FMNL2: variants seen among roughly 807,000 people sequenced by gnomAD.
The protein encoded by FMNL2 is formin-like protein 2.
In FMNL2, 51 loss-of-function variants were observed where a neutral mutation model predicts 130.2. That is an observed-to-expected ratio of 0.39 (90% CI 0.31 to 0.49). FMNL2 has a LOEUF of 0.49. Among genes scored for constraint, FMNL2 ranks in the 20% least tolerant of loss-of-function variants. FMNL2 has a pLI of 0.85. For synonymous variants in FMNL2, 465 were observed against 467.1 expected (o/e 1.00, Z 0.06); for missense variants, 977 against 1,316.2 (o/e 0.74, Z 3.99).
chr2:152,515,230 G>A (rs1579855995), intron 1 of FMNL2, among the ~76,000 whole-genome samples: 2 of 151,962 alleles, frequency 1.3e-5, no homozygotes, highest in South Asian at 2.1e-4. Context: ...AGGTTCTGTC[G>A]GATTATTTGA....
intron 1 of FMNL2, among the ~76,000 whole-genome samples, chr2:152,386,930 T>C (rs1030288782): frequency 2.0e-5 from 3 of 152,196 alleles, no homozygotes; most frequent in Non-Finnish European, 2.9e-5. Context: ...GAGACTCCCC[T>C]GGGCAAAGTT....
intron 9 of FMNL2, among the ~76,000 whole-genome samples, chr2:152,581,609 C>T (rs1159216363): frequency 1.3e-5 from 2 of 152,148 alleles, no homozygotes; most frequent in Admixed American, 1.3e-4. Flanking sequence ...GGCCCTGCCC[C>T]AGCGTATCCA....
chr2:152,480,265 T>C (rs939280577), intron 1 of FMNL2, among the ~76,000 whole-genome samples: 1 of 152,182 alleles, frequency 6.6e-6, no homozygotes, highest in Non-Finnish European at 1.5e-5. Flanking sequence ...CTAATAATAA[T>C]CTTGCATTTT....
At chr2:152,411,727 G>A (rs1686301008) in intron 1 of FMNL2, among the ~76,000 whole-genome samples, 1 of 152,136 alleles carries the variant, frequency 6.6e-6, no homozygotes, top group Non-Finnish European at 1.5e-5. Context: ...TTAAATCTTA[G>A]CAAATTCCTA....
At chr2:152,596,986 A>G (rs1697804604) in intron 9 of FMNL2, among the ~76,000 whole-genome samples, 1 of 152,252 alleles carries the variant, frequency 6.6e-6, no homozygotes, top group Admixed American at 6.5e-5. Context: ...GAATGAATTT[A>G]TAAATTTGTA....
intron 9 of FMNL2, among the ~76,000 whole-genome samples, chr2:152,598,038 C>T (rs1187541341): frequency 6.6e-6 from 1 of 152,214 alleles, no homozygotes; most frequent in East Asian, 1.9e-4. Flanking sequence ...TCTCTGCATT[C>T]ATGGCACACC....
intron 1 of FMNL2, among the ~76,000 whole-genome samples, chr2:152,412,902 C>A (rs1686399564): frequency 6.6e-6 from 1 of 152,134 alleles, no homozygotes; most frequent in Non-Finnish European, 1.5e-5. Context: ...ACCATATGAA[C>A]TTGCTGCTGT....
chr2:152,531,747 AC>A (rs1693712305), intron 2 of FMNL2, among the ~76,000 whole-genome samples: 1 of 152,278 alleles, frequency 6.6e-6, no homozygotes, highest in East Asian at 1.9e-4. Context: ...GGCGTGAACT[AC>A]TGTACCCAGC....
intron 11 of FMNL2, among the ~76,000 whole-genome samples, chr2:152,613,289 A>T (rs971759008): frequency 6.6e-6 from 1 of 152,212 alleles, no homozygotes; most frequent in African/African-American, 2.4e-5. Context: ...AATTGGATGT[A>T]TAAATTCCTA....
intron 1 of FMNL2, among the ~76,000 whole-genome samples, chr2:152,494,307 T>A (rs1691376413): frequency 6.6e-6 from 1 of 152,214 alleles, no homozygotes; most frequent in Non-Finnish European, 1.5e-5. Context: ...CCTCAGCATC[T>A]GACCCAAAAT....
At chr2:152,545,814 T>C (rs965062595) in intron 3 of FMNL2, among the ~76,000 whole-genome samples, 3 of 152,186 alleles carry the variant, frequency 2.0e-5, no homozygotes, top group African/African-American at 7.2e-5. Context: ...TTAGCACTCA[T>C]TGTGTATATA....
chr2:152,642,107 A>AT (rs1214980210), intron 25 of FMNL2, among the ~76,000 whole-genome samples: 2 of 151,866 alleles, frequency 1.3e-5, no homozygotes, highest in Non-Finnish European at 2.9e-5. Flanking sequence ...CGCCTGGATA[A>AT]TTTTTTGTAT....
chr2:152,552,374 A>G (rs1447649738), intron 4 of FMNL2, among the ~76,000 whole-genome samples: 4 of 152,182 alleles, frequency 2.6e-5, no homozygotes, highest in Admixed American at 6.5e-5. Context: ...AATGATCCTG[A>G]CACCCAGGAG....
intron 1 of FMNL2, among the ~76,000 whole-genome samples, chr2:152,394,805 A>G (rs375090219): frequency 6.6e-6 from 1 of 151,666 alleles, no homozygotes; most frequent in South Asian, 2.1e-4. Context: ...ACCATATAAG[A>G]TTGGACAAGA....
intron 9 of FMNL2, among the ~76,000 whole-genome samples, chr2:152,586,441 GGA>G (rs1697080300): frequency 6.6e-6 from 1 of 152,210 alleles, no homozygotes; most frequent in African/African-American, 2.4e-5. Context: ...TGGGCAGGAA[GGA>G]GAGTGAAGAT....
chr2:152,607,384 A>G lies in FMNL2; in HGVS notation c.922A>G (p.Arg308Gly), dbSNP rs567281941. 3 of 1,613,454 alleles carry G rather than the reference A, an allele frequency of 1.9e-6. No homozygotes were observed. The highest frequency in any genetic ancestry group is 1.3e-5 in the African/African-American group (1 of 75,022). Residue 308 changes from arginine (R) to glycine (G), a missense_variant, in exon 10 of 26, where the codon AGG (arginine) becomes GGG (glycine). Arg to Gly is a moderately radical substitution (Grantham distance 125). Coordinates refer to ENST00000288670, the MANE Select transcript of FMNL2 (RefSeq NM_052905.4). ...QRFEKLMEHF[R>G]NEDNNIDFMV... ...CTTTGAGAAGTTGATGGAACATTTC[A>G]GGAATGAAGACAATAACATAGATTT...
chr2:152,600,991 A>G (rs1437454445), intron 9 of FMNL2, among the ~76,000 whole-genome samples: 3 of 152,124 alleles, frequency 2.0e-5, no homozygotes, highest in East Asian at 1.9e-4. Flanking sequence ...ATCATGTTCT[A>G]TTGCCATGCT....
chr2:152,539,860 T>G lies in FMNL2; in HGVS notation c.202-2879T>G, dbSNP rs558269038. On this transcript the variant is annotated intron_variant, in intron 2 of 25. Coordinates refer to ENST00000288670, the MANE Select transcript of FMNL2 (RefSeq NM_052905.4). ...GCGTTACATGTGCTACTCCACCAAA[T>G]TTTATTATTGTAAAAATAAAATTGA... Among the ~76,000 whole-genome samples, 16 of 152,276 alleles carry G rather than the reference T, an allele frequency of 1.1e-4. No homozygotes were observed. In the South Asian group the frequency reaches 3.1e-3, roughly 30 times the overall value.
At chr2:152,446,563 AT>A (rs1688349162) in intron 1 of FMNL2, among the ~76,000 whole-genome samples, 1 of 152,256 alleles carries the variant, frequency 6.6e-6, no homozygotes, top group South Asian at 2.1e-4. Context: ...TAAATACAGC[AT>A]CTTTGTGAAG....
Sources: gnomAD v4.1 joint callset for allele counts (sites outside exome capture counted in the v4.1 genomes callset) on GRCh38, gnomAD v4.1.1 for gene constraint, MANE v1.5 for transcripts, NCBI Gene and HGNC (gene_info 2026-07-23, HGNC 2026-07-21) for gene names.